The following ACTR3C variants were observed in gnomAD, a reference collection of about 807,000 sequenced individuals.
The protein encoded by ACTR3C is actin-related protein 3C.
Under a neutral mutation model 26.3 loss-of-function variants are expected in ACTR3C, and 18 were observed. The observed-to-expected ratio is 0.68, with a 90% CI of 0.47 to 1.01. The LOEUF (loss-of-function observed/expected upper bound fraction) is 1.01, where lower values mean the gene tolerates loss of function less well. ACTR3C is among the 50% of genes least tolerant of loss of function. The pLI, the probability that ACTR3C is intolerant of heterozygous loss-of-function variation, is 0.00. For missense variants in ACTR3C, 184 were observed against 250.7 expected (o/e 0.73, Z 1.80); for synonymous variants, 55 against 94.5 (o/e 0.58, Z 2.42).
the ACTR3C span, among the ~76,000 whole-genome samples, chr7:149,882,288 C>T: frequency 6.6e-6 from 1 of 152,176 alleles, no homozygotes; most frequent in Non-Finnish European, 1.5e-5. Context: ...TGGGTTCTTG[C>T]CTTCTGTGAT....
the ACTR3C span, among the ~76,000 whole-genome samples, chr7:150,167,989 T>C: frequency 2.3e-4 from 35 of 151,018 alleles, 2 homozygotes; most frequent in African/African-American, 8.7e-4. Flanking sequence ...AAATATACCA[T>C]GGAAGAGTCA....
the ACTR3C span, among the ~76,000 whole-genome samples, chr7:150,097,896 G>T: frequency 2.0e-5 from 3 of 151,378 alleles, no homozygotes; most frequent in Non-Finnish European, 4.4e-5. Context: ...ACCTTCTCAA[G>T]CAGTCACTCA....
the ACTR3C span, among the ~76,000 whole-genome samples, chr7:149,959,386 T>A: frequency 3.3e-5 from 5 of 152,152 alleles, no homozygotes; most frequent in Non-Finnish European, 1.5e-5. Context: ...TTCCAATTCT[T>A]TATAGAAATA....
the ACTR3C span, among the ~76,000 whole-genome samples, chr7:150,091,888 T>C: frequency 7.6e-4 from 104 of 137,654 alleles, no homozygotes; most frequent in South Asian, 1.4e-3. Context: ...CTCGGGAGGC[T>C]GAGGCAGGAG....
At chr7:149,939,044 G>A in the ACTR3C span, among the ~76,000 whole-genome samples, 3 of 151,298 alleles carry the variant, frequency 2.0e-5, no homozygotes, top group Non-Finnish European at 4.4e-5. Flanking sequence ...GCAATGGCGC[G>A]ATCTCAGCTC....
At chr7:150,006,525 A>C in the ACTR3C span, among the ~76,000 whole-genome samples, 1 of 150,050 alleles carries the variant, frequency 6.7e-6, no homozygotes, top group African/African-American at 2.5e-5. Context: ...GTAGCCACAC[A>C]AACTATTTAT....
the ACTR3C span, among the ~76,000 whole-genome samples, chr7:149,991,319 G>A: frequency 6.6e-6 from 1 of 152,182 alleles, no homozygotes; most frequent in East Asian, 1.9e-4. Flanking sequence ...ATTTGGGTGG[G>A]CACACAGCTA....
intron 1 of ACTR3C, among the ~76,000 whole-genome samples, chr7:150,308,974 T>C (rs1796048124): frequency 6.6e-6 from 1 of 151,474 alleles, no homozygotes; most frequent in Non-Finnish European, 1.5e-5. Flanking sequence ...TAACCTGGAG[T>C]GATTTAAATG....
chr7:150,113,114 C>G, the ACTR3C span, among the ~76,000 whole-genome samples: 1 of 152,106 alleles, frequency 6.6e-6, no homozygotes, highest in Non-Finnish European at 1.5e-5. Context: ...CACCCCACAG[C>G]TCTCTGCTGA....
the ACTR3C span, among the ~76,000 whole-genome samples, chr7:150,070,646 T>G: frequency 9.9e-5 from 15 of 150,930 alleles, no homozygotes; most frequent in African/African-American, 3.0e-4. Flanking sequence ...AGATGGGGTT[T>G]TGCCATGTTG....
the ACTR3C span, among the ~76,000 whole-genome samples, chr7:150,042,942 C>T: frequency 0.23 from 33,972 of 146,478 alleles, 4,337 homozygotes; most frequent in Non-Finnish European, 0.28. Context: ...ATGAAAGACT[C>T]GCTGTTGTCG....
At chr7:150,164,206 C>A in the ACTR3C span, among the ~76,000 whole-genome samples, 3,157 of 149,146 alleles carry the variant, frequency 0.021, 42 homozygotes, top group African/African-American at 0.067. Context: ...GACGTGGAAC[C>A]CAGCAGCAGT....
intron 1 of ACTR3C, among the ~76,000 whole-genome samples, chr7:150,322,051 C>T (rs975770546): frequency 2.6e-5 from 4 of 152,236 alleles, no homozygotes; most frequent in African/African-American, 4.8e-5. Context: ...ATGGGACAAA[C>T]AGGCATTTTG....
chr7:149,910,274 T>C, the ACTR3C span, among the ~76,000 whole-genome samples: 1 of 151,980 alleles, frequency 6.6e-6, no homozygotes, highest in Admixed American at 6.6e-5. Context: ...TCATGGCATA[T>C]GTCTAAGAAA....
the ACTR3C span, among the ~76,000 whole-genome samples, chr7:150,205,020 G>C: frequency 1.1e-4 from 17 of 152,210 alleles, no homozygotes; most frequent in Non-Finnish European, 2.2e-4. Context: ...GTTTCTCTCT[G>C]AATGAATCCT....
chr7:150,174,519 T>G, the ACTR3C span, among the ~76,000 whole-genome samples: 1 of 141,184 alleles, frequency 7.1e-6, no homozygotes, highest in African/African-American at 3.1e-5. Flanking sequence ...ATCAGTGCTT[T>G]TCTTTTTGTC....
the ACTR3C span, among the ~76,000 whole-genome samples, chr7:150,039,488 G>A: frequency 1.2e-4 from 8 of 67,982 alleles, 2 homozygotes; most frequent in African/African-American, 4.8e-5. Context: ...AGAGGGGATA[G>A]CTCTCAGTCC....
At chr7:150,003,920 T>G in the ACTR3C span, among the ~76,000 whole-genome samples, 1 of 150,010 alleles carries the variant, frequency 6.7e-6, no homozygotes, top group Non-Finnish European at 1.5e-5. Context: ...GTGTAGGATG[T>G]GGTATGTAGG....
the ACTR3C span, among the ~76,000 whole-genome samples, chr7:149,963,609 T>C: frequency 5.9e-5 from 9 of 152,148 alleles, no homozygotes; most frequent in South Asian, 2.1e-4. Context: ...AGAAACACAG[T>C]ATTGGAGCCA....
Sources: gnomAD v4.1 joint callset for allele counts (sites outside exome capture counted in the v4.1 genomes callset) on GRCh38, gnomAD v4.1.1 for gene constraint, MANE v1.5 for transcripts, NCBI Gene and HGNC (gene_info 2026-07-23, HGNC 2026-07-21) for gene names.